The following MTHFSD variants were observed in gnomAD, a reference collection of about 807,000 sequenced individuals.
MTHFSD encodes methenyltetrahydrofolate synthetase domain containing.
Under a neutral mutation model 31.1 loss-of-function variants are expected in MTHFSD, and 37 were observed. The observed-to-expected ratio is 1.19, with a 90% CI of 0.91 to 1.56. The LOEUF is 1.56. Among genes scored for constraint, MTHFSD ranks in the 40% most tolerant of loss-of-function variants. The pLI is 0.00. For missense variants in MTHFSD, 664 were observed against 510.1 expected, an observed-to-expected ratio of 1.30 and a Z score of -2.91; for synonymous variants, 221 against 206.9, an observed-to-expected ratio of 1.07 and a Z score of -0.59.
rs745864482 is a variant in MTHFSD at position 86,542,184 on chromosome 16, C to A, written c.472G>T (p.Ala158Ser). The A allele has an allele frequency of 6.2e-7, 1 of 1,613,676 alleles. No individual in the cohort carries two copies. The highest frequency in any genetic ancestry group is 1.3e-5 in the African/African-American group (1 of 74,930). Reference protein sequence around the residue: ...GWRIGKGEGYADLEYAMMVSM... With the variant: ...GWRIGKGEGYSDLEYAMMVSM... ...ACCATCATGGCATATTCCAGATCGG[C>A]GTAGCCTTCTCCCTTCCCGATTCTC... Residue 158 changes from alanine to serine, a missense_variant, in exon 6 of 8, where the codon GCC (alanine) becomes TCC (serine). Physicochemically the swap from Ala to Ser is moderately conservative, Grantham distance 99 (BLOSUM62 1). Transcript: ENST00000360900. The surrounding 1 kb of genome is among the most constrained non-coding windows in gnomAD (Gnocchi z 4.6).
rs201604627 is a variant in MTHFSD, at chr16:86,542,227, G to A, written c.443-14C>T. 71 of 1,607,492 alleles carry A rather than the reference G, an allele frequency of 4.4e-5. No homozygotes were observed. Among genetic ancestry groups the A allele is most frequent in the South Asian group, 3.0e-4 (27 of 90,916 alleles). Reference sequence around the variant, plus strand: ...CGATTCTCCAGCCTAAGAGACAACCGAGAATCAGTATCGCTGTGCGGTCCG... The same window carrying A: ...CGATTCTCCAGCCTAAGAGACAACCAAGAATCAGTATCGCTGTGCGGTCCG... On this transcript the variant is annotated splice_polypyrimidine_tract_variant and intron_variant, in intron 5 of 7. Coordinates refer to ENST00000360900, the MANE Select transcript of MTHFSD (RefSeq NM_001159377.2). The surrounding 1 kb of genome is among the most constrained non-coding windows in gnomAD (Gnocchi z 4.6).
chr16:86,547,019 G>A, intron 4 of MTHFSD: 1 of 400,476 alleles, frequency 2.5e-6, no homozygotes, highest in Non-Finnish European at 3.5e-6. Flanking sequence ...TCCCCAGCAG[G>A]CTGGAGCTCT....
At position 86,555,233 on chromosome 16, in the gene MTHFSD, A is replaced by C; in HGVS notation, c.-49T>G. 1.2e-5 allele frequency: 19 copies of C among 1,534,904 alleles called. No individual in the cohort carries two copies. The highest frequency in any genetic ancestry group is 1.7e-5 in the Non-Finnish European group (19 of 1,145,676). ...CTTCCCGGCGCAGGTTCTGGCGCGTAGTGACGTCACCCGCTCCGCGCCTGC... is the reference window on the plus strand; with the variant it reads ...CTTCCCGGCGCAGGTTCTGGCGCGTCGTGACGTCACCCGCTCCGCGCCTGC... On this transcript the variant is annotated 5_prime_UTR_variant, in exon 1 of 8. Transcript: ENST00000360900.
At chr16:86,536,738 G>A (rs1364574834) in intron 7 of MTHFSD, among the ~76,000 whole-genome samples, 5 of 152,216 alleles carry the variant, frequency 3.3e-5, no homozygotes, top group South Asian at 2.1e-4. Flanking sequence ...CCATCTGCAC[G>A]CCTTGGCTCC....
rs187973880 is a variant in MTHFSD at position 86,532,226 on chromosome 16, G to C, written c.937C>G (p.Leu313Val). ...PLAADVYVGN[L>V]PGDARVSDLK... ...TCACTCACACGGGCGTCCCCGGGGA[G>C]GTTCCCAACGTAAACATCGGCTGCA... The change falls in exon 8 of 8, where the codon CTC becomes GTC. Residue 313 changes from leucine to valine, a missense_variant. By Grantham distance (32) the Leu-to-Val change is conservative. Transcript: ENST00000360900. 1,076 of 1,572,020 alleles carry C rather than the reference G, an allele frequency of 6.8e-4. 3 individuals are homozygous for C. The African/African-American group carries it at 7.9e-3, about 12-fold the overall frequency.
Position 86,555,118 on chromosome 16 carries a change from G to T in MTHFSD, c.16+51C>A, listed in dbSNP as rs535210933. 605 of 1,529,158 alleles carry T rather than the reference G, an allele frequency of 4.0e-4. 13 individuals carry two copies. In the South Asian group the frequency reaches 6.6e-3, roughly 17 times the overall value. The allele number at this position is 1,529,158 out of a possible 1,614,324, so 94.7% of individuals were successfully genotyped here. A position where few individuals can be genotyped will look rare whatever the true frequency, so the allele number is the denominator to read the frequency against. On this transcript the variant is annotated intron_variant, in intron 1 of 7. Transcript: ENST00000360900. ...CCCCGCCTCGACCCTCACCGGTCCC[G>T]GCTGTCCCTCCCCATTCCCAGCCGC...
intron 3 of MTHFSD, 187 bp downstream of exon 3, chr16:86,551,846 G>A: frequency 3.7e-6 from 4 of 1,075,674 alleles, no homozygotes; most frequent in Non-Finnish European, 5.1e-6. Flanking sequence ...TGACTGAATT[G>A]CTAAACAGCT....
intron 4 of MTHFSD, chr16:86,548,024 C>T: frequency 3.1e-6 from 4 of 1,285,450 alleles, no homozygotes; most frequent in South Asian, 2.5e-5. Flanking sequence ...TAATTATCAG[C>T]AATTACTCAC....
Position 86,538,200 on chromosome 16 carries a change from C to T in MTHFSD, c.681+3497G>A, listed in dbSNP as rs113749724. Among the ~76,000 whole-genome samples, 264 of 145,234 alleles carry T rather than the reference C, an allele frequency of 1.8e-3. 1 individual carries two copies. The highest frequency in any genetic ancestry group is 6.7e-3 in the African/African-American group (256 of 38,494). On this transcript the variant is annotated intron_variant, in intron 7 of 7. Coordinates refer to ENST00000360900, the MANE Select transcript of MTHFSD (RefSeq NM_001159377.2). ...CATGTCCTACCATTCCTCTCTGTCT[C>T]CAAGGTATTCTTAACATATATCATT...
rs755287992 is a variant in MTHFSD, at chr16:86,552,156, C to T, written c.124-10G>A. On this transcript the variant is annotated splice_polypyrimidine_tract_variant and intron_variant, in intron 2 of 7. Coordinates refer to ENST00000360900, the MANE Select transcript of MTHFSD (RefSeq NM_001159377.2). The stretch of plus-strand genomic sequence containing the variant: ...AAGCCAGATAAGACCCCTAGTTAGG[C>T]AAATAGACAGAGTTGCACTTACTTC... The T allele has an allele frequency of 3.1e-6, 5 of 1,614,028 alleles. No individual in the cohort carries two copies. The highest frequency in any genetic ancestry group is 4.2e-6 in the Non-Finnish European group (5 of 1,180,026).
chr16:86,541,848 G>A (rs376598344), intron 6 of MTHFSD, 26 bp from the exon 7 acceptor site: 3 of 1,612,734 alleles, frequency 1.9e-6, no homozygotes, highest in African/African-American at 1.3e-5. Flanking sequence ...AGGGATAAAG[G>A]GGCTGCTGGG....
In MTHFSD at chr16:86,531,287, G is replaced by C. The variant is rs1382068173; in HGVS notation, c.*724C>G. The C allele has an allele frequency of 6.6e-6, 1 of 152,254 alleles. No individual in the cohort carries two copies. Among genetic ancestry groups the C allele is most frequent in the South Asian group, 2.1e-4 (1 of 4,836 alleles). 9.4% of individuals were successfully genotyped at this position (152,254 alleles called of 1,614,324 possible). On this transcript the variant is annotated 3_prime_UTR_variant, in exon 8 of 8. Transcript: ENST00000360900. The surrounding 1 kb of genome is among the most constrained non-coding windows in gnomAD (Gnocchi z 5.5). ...AAAACATAAGGCACTGGGCAAATGTGACGTAGGCTGGGATGAAACCCATTC... is the reference window on the plus strand; with the variant it reads ...AAAACATAAGGCACTGGGCAAATGTCACGTAGGCTGGGATGAAACCCATTC...
In MTHFSD at chr16:86,554,767, C is replaced by T. The variant is rs763906640; in HGVS notation, c.17-16G>A. On this transcript the variant is annotated splice_polypyrimidine_tract_variant and intron_variant, in intron 1 of 7. Coordinates refer to ENST00000360900, the MANE Select transcript of MTHFSD (RefSeq NM_001159377.2). The stretch of plus-strand genomic sequence containing the variant: ...GAGACACCTACTGCAACAAAAGATT[C>T]CCACTTAATAACATACAAAGGAATT... The T allele has an allele frequency of 4.4e-6, 7 of 1,593,166 alleles. No homozygotes were observed. The highest frequency in any genetic ancestry group is 1.7e-4 in the Middle Eastern group (1 of 6,010).
chr16:86,532,868 G>A (rs1419044456), intron 7 of MTHFSD: 1 of 159,134 alleles, frequency 6.3e-6, no homozygotes, highest in Non-Finnish European at 1.4e-5. Flanking sequence ...GGGATTATAG[G>A]GTCACAAAAG....
chr16:86,543,137 G>C (rs1347767959), intron 5 of MTHFSD, among the ~76,000 whole-genome samples: 2 of 152,224 alleles, frequency 1.3e-5, no homozygotes, highest in African/African-American at 4.8e-5. Context: ...ATGACAGGCA[G>C]ATAAGCCGCA....
intron 7 of MTHFSD, chr16:86,533,856 T>G (rs1269947767): frequency 1.3e-5 from 2 of 152,260 alleles, no homozygotes; most frequent in African/African-American, 4.8e-5. Flanking sequence ...AGTGCATTCC[T>G]GCAAACCTAG....
chr16:86,549,959 G>A (rs928186862), intron 3 of MTHFSD, among the ~76,000 whole-genome samples: 2 of 152,246 alleles, frequency 1.3e-5, no homozygotes, highest in African/African-American at 4.8e-5. Context: ...GCTGTGGCTT[G>A]AGGTTGTGCA....
intron 6 of MTHFSD, 132 bp downstream of exon 6, chr16:86,541,969 A>G: frequency 7.4e-7 from 1 of 1,354,598 alleles, no homozygotes; most frequent in Non-Finnish European, 1.0e-6. Context: ...TACCACTAGC[A>G]AGTCCAGCCC....
At position 86,542,722 on chromosome 16, in the gene MTHFSD, A is replaced by G. The variant is rs553654075; in HGVS notation, c.443-509T>C. The stretch of plus-strand genomic sequence containing the variant: ...ATACCAGGTCCTGAGGGACGGTTTA[A>G]GCAGTACTAAAGCGTTTTGCAAATT... On this transcript the variant is annotated intron_variant, in intron 5 of 7. Transcript: ENST00000360900. The surrounding 1 kb of genome is among the most constrained non-coding windows in gnomAD (Gnocchi z 4.6). Among the ~76,000 whole-genome samples, 1 of 152,340 alleles carries G rather than the reference A, an allele frequency of 6.6e-6. No homozygotes were observed. Among genetic ancestry groups the G allele is most frequent in the East Asian group, 1.9e-4 (1 of 5,184 alleles).
Sources: allele counts gnomAD v4.1 joint callset (sites outside exome capture counted in the v4.1 genomes callset), GRCh38; gene constraint gnomAD v4.1.1; non-coding constraint Gnocchi (gnomAD v3.1); transcripts MANE v1.5; gene names NCBI Gene and HGNC (gene_info 2026-07-23, HGNC 2026-07-21).